The following MB21D2 variants were observed in gnomAD, a reference collection of about 807,000 sequenced individuals.
The protein encoded by MB21D2 is Mab-21 domain containing 2, also known as nucleotidyltransferase MB21D2.
MB21D2 carries 9 observed loss-of-function variants against 33.3 expected under a neutral mutation model. The ratio of observed to expected loss-of-function variants is 0.27; its 90% CI spans 0.16 to 0.47. MB21D2 has a LOEUF of 0.47. Among genes scored for constraint, MB21D2 ranks in the 20% least tolerant of loss-of-function variants. The pLI is 0.99. For synonymous variants in MB21D2, 241 were observed against 236.3 expected, an observed-to-expected ratio of 1.02 and a Z score of -0.18; for missense variants, 540 against 624.6, an observed-to-expected ratio of 0.86 and a Z score of 1.44.
At chr3:192,822,629 G>A (rs1712086199) in intron 1 of MB21D2, among the ~76,000 whole-genome samples, 1 of 152,186 alleles carries the variant, frequency 6.6e-6, no homozygotes, top group African/African-American at 2.4e-5. Flanking sequence ...TTTCCCCGTG[G>A]CCATGGTCAG....
At chr3:192,833,006 TG>T (rs953729568) in intron 1 of MB21D2, among the ~76,000 whole-genome samples, 67 of 152,284 alleles carry the variant, frequency 4.4e-4, no homozygotes, top group African/African-American at 1.5e-3. Flanking sequence ...TGTATTTTAA[TG>T]GACACATTAT....
At chr3:192,893,676 C>A (rs1314038052) in intron 1 of MB21D2, among the ~76,000 whole-genome samples, 1 of 152,152 alleles carries the variant, frequency 6.6e-6, no homozygotes, top group African/African-American at 2.4e-5. Flanking sequence ...TCCAGGCATT[C>A]CCCCGTGTCC....
At chr3:192,869,633 T>C (rs1414009041) in intron 1 of MB21D2, among the ~76,000 whole-genome samples, 1 of 152,182 alleles carries the variant, frequency 6.6e-6, no homozygotes, top group Non-Finnish European at 1.5e-5. Context: ...CCCAGATTCT[T>C]ACTGGCCTCT....
intron 1 of MB21D2, among the ~76,000 whole-genome samples, chr3:192,849,180 T>A (rs1206094977): frequency 2.6e-5 from 4 of 152,158 alleles, no homozygotes; most frequent in Non-Finnish European, 5.9e-5. Flanking sequence ...CACCACTCCG[T>A]GCTCCCATGC....
At chr3:192,812,598 T>C (rs574348968) in intron 1 of MB21D2, among the ~76,000 whole-genome samples, 1 of 152,146 alleles carries the variant, frequency 6.6e-6, no homozygotes, top group Admixed American at 6.5e-5. Flanking sequence ...AGATCCTCTA[T>C]ATCTGCAAGC....
intron 1 of MB21D2, among the ~76,000 whole-genome samples, 168 bp downstream of exon 1, chr3:192,917,462 T>C (rs1447060371): frequency 6.6e-6 from 1 of 152,070 alleles, no homozygotes; most frequent in Non-Finnish European, 1.5e-5. Context: ...CAGCTCGGCT[T>C]TCGGCGGAGA....
Position 192,798,520 on chromosome 3 carries a change from T to G in MB21D2, c.1342A>C (p.Asn448His), listed in dbSNP as rs1226011285. The G allele has an allele frequency of 9.9e-6, 16 of 1,614,044 alleles. No individual in the cohort carries two copies. Among genetic ancestry groups the G allele is most frequent in the Non-Finnish European group, 1.4e-5 (16 of 1,180,024 alleles). Residue 448 changes from asparagine (N) to histidine (H), a missense_variant, in exon 2 of 2, where the codon AAC becomes CAC. Asn to His is a moderately conservative substitution (Grantham distance 68, BLOSUM62 1). Transcript: ENST00000392452. The surrounding 1 kb of genome is among the most constrained non-coding windows in gnomAD (Gnocchi z 4.8). ...TTTGCCAAACGGTCATCAGGCTGGT[T>G]GGGGTCCCCTCCGTCAGACTGTGGA... ...PSPQSDGGDP[N>H]QPDDRLAKKL... is the part of the protein sequence containing the mutation.
chr3:192,858,449 C>T (rs182704073), intron 1 of MB21D2, among the ~76,000 whole-genome samples: 50 of 152,130 alleles, frequency 3.3e-4, no homozygotes, highest in Admixed American at 1.6e-3. Flanking sequence ...TATCTGAATC[C>T]TAAAGATGTC....
At position 192,798,695 on chromosome 3, in the gene MB21D2, A is replaced by C. The variant is rs1720579077; in HGVS notation, c.1167T>G (p.Ser389=). Residue 389 remains serine (S), a synonymous_variant, in exon 2 of 2, where the codon TCT becomes TCG. Transcript: ENST00000392452. This position sits in a 1 kb window ranked among gnomAD's most constrained non-coding sequence, Gnocchi z 4.8. ...IPQCNMLEHL[S]EETVMLHARK... ...GGGCGTGAAGCATGACTGTCTCCTCAGACAGATGTTCCAGCATGTTGCACT... is the reference window on the plus strand; with the variant it reads ...GGGCGTGAAGCATGACTGTCTCCTCCGACAGATGTTCCAGCATGTTGCACT... The C allele has an allele frequency of 3.1e-6, 5 of 1,613,270 alleles. No individual in the cohort carries two copies. Among genetic ancestry groups the C allele is most frequent in the Non-Finnish European group, 4.2e-6 (5 of 1,180,032 alleles).
rs150461473 is a variant in MB21D2, at chr3:192,841,683, A to G, written c.212-42033T>C. ...GAGCCACCTGCTAAGCCACTCCCAG[A>G]TTCCTGACCCTCGGAAACTATGGGA... On this transcript the variant is annotated intron_variant, in intron 1 of 1. Coordinates refer to ENST00000392452, the MANE Select transcript of MB21D2 (RefSeq NM_178496.4). Among the ~76,000 whole-genome samples, 18 of 152,350 alleles carry G rather than the reference A, an allele frequency of 1.2e-4. No individual in the cohort carries two copies. In the East Asian group the frequency reaches 1.5e-3, roughly 13 times the overall value.
At chr3:192,916,599 C>CG (rs1475770586) in intron 1 of MB21D2, among the ~76,000 whole-genome samples, 1 of 152,260 alleles carries the variant, frequency 6.6e-6, no homozygotes, top group Non-Finnish European at 1.5e-5. Flanking sequence ...TTGACAGCCA[C>CG]GGATCCGCTG....
At chr3:192,854,349 C>T (rs551828364) in intron 1 of MB21D2, among the ~76,000 whole-genome samples, 2 of 152,304 alleles carry the variant, frequency 1.3e-5, no homozygotes, top group Admixed American at 1.3e-4. Context: ...AAGCCAATGT[C>T]CAATCCAGAG....
chr3:192,839,281 CT>C (rs1270067151), intron 1 of MB21D2, among the ~76,000 whole-genome samples: 1 of 152,172 alleles, frequency 6.6e-6, no homozygotes, highest in African/African-American at 2.4e-5. Context: ...TGTACCCACT[CT>C]GGATTTACGT....
At chr3:192,821,574 T>C (rs1712060918) in intron 1 of MB21D2, among the ~76,000 whole-genome samples, 1 of 152,218 alleles carries the variant, frequency 6.6e-6, no homozygotes, top group Non-Finnish European at 1.5e-5. Context: ...CCTCTCTTCT[T>C]GCCTAATTCT....
chr3:192,859,278 G>T (rs1325612227), intron 1 of MB21D2, among the ~76,000 whole-genome samples: 1 of 152,154 alleles, frequency 6.6e-6, no homozygotes. Flanking sequence ...GACGGCACTA[G>T]AAGAGAGTAC....
chr3:192,827,728 G>A (rs1191776531), intron 1 of MB21D2, among the ~76,000 whole-genome samples: 1 of 136,896 alleles, frequency 7.3e-6, no homozygotes, highest in Non-Finnish European at 1.6e-5. Flanking sequence ...TCTACACTTA[G>A]TGTCCTTTAA....
intron 1 of MB21D2, among the ~76,000 whole-genome samples, chr3:192,915,396 C>G (rs1328459066): frequency 6.6e-6 from 1 of 152,226 alleles, no homozygotes; most frequent in Non-Finnish European, 1.5e-5. Context: ...CGCCAAACCT[C>G]CACTTGTGTA....
At chr3:192,826,060 T>C (rs569054490) in intron 1 of MB21D2, among the ~76,000 whole-genome samples, 3 of 152,328 alleles carry the variant, frequency 2.0e-5, no homozygotes, top group African/African-American at 7.2e-5. Flanking sequence ...ACCACTAGTC[T>C]TGACTCCAGT....
At chr3:192,853,175 A>T (rs1035294780) in intron 1 of MB21D2, among the ~76,000 whole-genome samples, 32 of 152,260 alleles carry the variant, frequency 2.1e-4, no homozygotes, top group African/African-American at 6.7e-4. Flanking sequence ...TAGACTCCTT[A>T]ACCTGGTCTT....
Sources: gnomAD v4.1 joint callset for allele counts (sites outside exome capture counted in the v4.1 genomes callset) on GRCh38, gnomAD v4.1.1 for gene constraint, Gnocchi (gnomAD v3.1) non-coding constraint, MANE v1.5 for transcripts, NCBI Gene and HGNC (gene_info 2026-07-23, HGNC 2026-07-21) for gene names.